The following PDE4D variants were observed in gnomAD, a reference collection of about 807,000 sequenced individuals.
The protein encoded by PDE4D is 3',5'-cyclic-AMP phosphodiesterase 4D.
Under a neutral mutation model 87.4 loss-of-function variants are expected in PDE4D, and 24 were observed. The ratio of observed to expected loss-of-function variants is 0.27; its 90% CI spans 0.20 to 0.39. The LOEUF is 0.39. Ranked by LOEUF, PDE4D falls within the 10% of genes least tolerant of loss-of-function variation. The probability of loss-of-function intolerance (pLI) is 1.00; values close to 1 mark genes in which losing one functional copy is unlikely to be tolerated. For missense variants in PDE4D, 714 were observed against 1,041.0 expected, an observed-to-expected ratio of 0.69 and a Z score of 4.32; for synonymous variants, 384 against 383.2, an observed-to-expected ratio of 1.00 and a Z score of -0.02.
chr5:60,251,238 A>G (rs1748405921), intron 1 of PDE4D, among the ~76,000 whole-genome samples: 1 of 151,946 alleles, frequency 6.6e-6, no homozygotes, highest in African/African-American at 2.4e-5. Context: ...GTTTAGGGGT[A>G]CATGTGCAGG....
rs1383848744 is a variant in PDE4D at position 60,337,375 on chromosome 5, A to AC, written c.-90+150566_-90+150567insG. 9.9e-4 allele frequency among the ~76,000 whole-genome samples: 124 copies of AC among 125,690 alleles called. 2 individuals are homozygous for AC. The highest frequency in any genetic ancestry group is 3.4e-3 in the African/African-American group (119 of 34,552). The allele number at this position is 125,690 out of a possible 152,430, so 82.5% of individuals were successfully genotyped here. On this transcript the variant is annotated intron_variant, in intron 1 of 16. Transcript: ENST00000502484. ...ACTATATATATATATATATATATAT[A>AC]TATATATATATATACACACACACAC...
At chr5:60,371,860 G>A (rs1050128693) in intron 1 of PDE4D, among the ~76,000 whole-genome samples, 5 of 152,058 alleles carry the variant, frequency 3.3e-5, no homozygotes, top group African/African-American at 9.7e-5. Flanking sequence ...TTGCTACTGC[G>A]TGTTTCATTT....
At chr5:60,384,535 T>A (rs1480087189) in intron 1 of PDE4D, among the ~76,000 whole-genome samples, 1 of 152,170 alleles carries the variant, frequency 6.6e-6, no homozygotes. Flanking sequence ...CTCTGTTTGC[T>A]TCCTCTCTCC....
intron 5 of PDE4D, among the ~76,000 whole-genome samples, chr5:59,149,625 G>A (rs1960): frequency 0.12 from 18,559 of 150,488 alleles, 1,322 homozygotes; most frequent in Middle Eastern, 0.16. Flanking sequence ...TTTTAGTGTT[G>A]GTTCCTAGGG....
At chr5:59,502,223 T>C (rs1245474119) in intron 1 of PDE4D, among the ~76,000 whole-genome samples, 2 of 152,168 alleles carry the variant, frequency 1.3e-5, no homozygotes, top group African/African-American at 2.4e-5. Flanking sequence ...ATTAAACTTA[T>C]GTGGAACACC....
intron 1 of PDE4D, among the ~76,000 whole-genome samples, chr5:60,498,787 A>T (rs926325241): frequency 6.6e-6 from 1 of 152,184 alleles, no homozygotes; most frequent in Non-Finnish European, 1.5e-5. Flanking sequence ...AAAGAAAACC[A>T]AGCCTGGCCA....
intron 3 of PDE4D, among the ~76,000 whole-genome samples, chr5:59,972,351 C>T (rs3952631): frequency 2.6e-5 from 4 of 151,962 alleles, no homozygotes; most frequent in Non-Finnish European, 5.9e-5. Flanking sequence ...CCTCTCTTGA[C>T]TTCTCATCCC....
At chr5:59,877,636 C>T (rs557056565) in intron 1 of PDE4D, among the ~76,000 whole-genome samples, 29 of 151,816 alleles carry the variant, frequency 1.9e-4, no homozygotes, top group African/African-American at 6.3e-4. Flanking sequence ...ACCTCATCTC[C>T]GGAAACTTCA....
At chr5:59,508,385 T>C (rs1265120350) in intron 1 of PDE4D, among the ~76,000 whole-genome samples, 1 of 152,202 alleles carries the variant, frequency 6.6e-6, no homozygotes, top group East Asian at 1.9e-4. Context: ...ATTGGATATT[T>C]GCGTGGCCCA....
intron 1 of PDE4D, among the ~76,000 whole-genome samples, chr5:59,726,768 C>T (rs1756654640): frequency 6.6e-6 from 1 of 152,036 alleles, no homozygotes; most frequent in Non-Finnish European, 1.5e-5. Flanking sequence ...TATAACTTTT[C>T]AACAGTATGA....
At chr5:60,060,201 C>T (rs1771241199) in intron 2 of PDE4D, among the ~76,000 whole-genome samples, 1 of 152,122 alleles carries the variant, frequency 6.6e-6, no homozygotes, top group Admixed American at 6.6e-5. Context: ...CTCCATCCCC[C>T]AGTAGATATG....
At chr5:59,942,903 C>T (rs1466774194) in intron 3 of PDE4D, among the ~76,000 whole-genome samples, 1 of 151,698 alleles carries the variant, frequency 6.6e-6, no homozygotes, top group South Asian at 2.1e-4. Context: ...TGTCTAGAGA[C>T]AACTTTGATT....
chr5:59,499,289 A>G (rs1213094520), intron 1 of PDE4D, among the ~76,000 whole-genome samples: 1 of 151,658 alleles, frequency 6.6e-6, no homozygotes, highest in Non-Finnish European at 1.5e-5. Flanking sequence ...GAAAGTTTCT[A>G]GCACTGAATG....
In PDE4D at chr5:59,180,626, G is replaced by T; in HGVS notation, c.777C>A (p.Asn259Lys). The change falls in exon 5 of 15, where the codon AAC becomes AAA. Residue 259 changes from asparagine (N) to lysine (K), a missense_variant. Around this residue, in one of 7 missense-constraint regions of PDE4D, gnomAD observed 90 missense variants for 177.6 expected, o/e 0.51. Transcript: ENST00000340635. Reference sequence around the variant, plus strand: ...TGGTGGCTTTGTTGATGGATGGTTGGTTGCACATGGGTGATCTTCTGACAA... The same window carrying T: ...TGGTGGCTTTGTTGATGGATGGTTGTTTGCACATGGGTGATCTTCTGACAA... ...RAPSKRSPMC[N>K]QPSINKATIT... The T allele has an allele frequency of 6.2e-7, 1 of 1,613,308 alleles. No homozygotes were observed. The highest frequency in any genetic ancestry group is 8.5e-7 in the Non-Finnish European group (1 of 1,179,566).
intron 1 of PDE4D, among the ~76,000 whole-genome samples, chr5:59,678,322 A>G (rs778097005): frequency 6.6e-6 from 1 of 152,186 alleles, no homozygotes. Context: ...TTATAATCCT[A>G]TTACTCAGAG....
At chr5:60,396,557 C>T (rs1003041477) in intron 1 of PDE4D, among the ~76,000 whole-genome samples, 5 of 152,024 alleles carry the variant, frequency 3.3e-5, no homozygotes, top group African/African-American at 9.7e-5. Flanking sequence ...GCTCTGTTGT[C>T]GAGGCTAGAG....
At chr5:59,322,678 C>T (rs973788268) in intron 1 of PDE4D, among the ~76,000 whole-genome samples, 17 of 152,090 alleles carry the variant, frequency 1.1e-4, no homozygotes, top group Non-Finnish European at 1.6e-4. Flanking sequence ...TGGGTTTAGT[C>T]ACATTATGTG....
chr5:59,817,028 C>A (rs10514880), intron 1 of PDE4D, among the ~76,000 whole-genome samples: 1 of 152,090 alleles, frequency 6.6e-6, no homozygotes, highest in African/African-American at 2.4e-5. Context: ...GGTAAATCAT[C>A]GTTCCCATGA....
At chr5:60,131,479 A>G (rs1157920494) in intron 2 of PDE4D, among the ~76,000 whole-genome samples, 1 of 152,210 alleles carries the variant, frequency 6.6e-6, no homozygotes, top group Non-Finnish European at 1.5e-5. Context: ...GAATGAAGTT[A>G]ATGTGTGCCA....
Sources: gnomAD v4.1 joint callset for allele counts (sites outside exome capture counted in the v4.1 genomes callset) on GRCh38, gnomAD v4.1.1 for gene constraint, gnomAD v4.1.1 regional missense constraint, MANE v1.5 for transcripts, NCBI Gene and HGNC (gene_info 2026-07-23, HGNC 2026-07-21) for gene names.